Variants in ADAMTS17 observed in about 807,000 individuals in gnomAD.
ADAMTS17 encodes the protein A disintegrin and metalloproteinase with thrombospondin motifs 17.
Under a neutral mutation model 141.5 loss-of-function variants are expected in ADAMTS17, and 113 were observed. The ratio of observed to expected loss-of-function variants is 0.80; its 90% CI spans 0.69 to 0.93. The LOEUF (loss-of-function observed/expected upper bound fraction) is 0.93. ADAMTS17 is among the 40% of genes least tolerant of loss of function. ADAMTS17 has a pLI of 0.00. For missense variants in ADAMTS17, 1,659 were observed against 1,517.9 expected, an observed-to-expected ratio of 1.09 and a Z score of -1.54; for synonymous variants, 768 against 630.6, an observed-to-expected ratio of 1.22 and a Z score of -3.27.
At chr15:100,302,894 G>T (rs1020810195) in intron 3 of ADAMTS17, among the ~76,000 whole-genome samples, 2 of 152,024 alleles carry the variant, frequency 1.3e-5, no homozygotes, top group Non-Finnish European at 2.9e-5. Flanking sequence ...TACAAAGCAG[G>T]CAGAAAAATG....
rs933885511 is a variant in ADAMTS17, at chr15:100,227,059, T to C, written c.1075+27077A>G. Among the ~76,000 whole-genome samples, 6 of 152,112 alleles carry C rather than the reference T, an allele frequency of 3.9e-5. No homozygotes were observed. The East Asian group carries it at 1.2e-3, about 29-fold the overall frequency. On this transcript the variant is annotated intron_variant, in intron 7 of 21. Coordinates refer to ENST00000268070, the MANE Select transcript of ADAMTS17 (RefSeq NM_139057.4). ...TGTTCCCACCTGGGCCTCTCCTGGC[T>C]CTCCTCCCTCCCACCATGATGAAAC...
At chr15:100,290,028 G>T (rs1385637872) in intron 3 of ADAMTS17, among the ~76,000 whole-genome samples, 1 of 152,116 alleles carries the variant, frequency 6.6e-6, no homozygotes, top group Non-Finnish European at 1.5e-5. Flanking sequence ...ATTCAGGCAA[G>T]AGAAAGAAAT....
At chr15:100,151,837 G>A (rs918389626) in intron 10 of ADAMTS17, among the ~76,000 whole-genome samples, 2 of 152,158 alleles carry the variant, frequency 1.3e-5, no homozygotes, top group Non-Finnish European at 2.9e-5. Context: ...TGCCCCTCTT[G>A]GCACCCCTCA....
chr15:100,139,531 C>A (rs1451526294), intron 10 of ADAMTS17, among the ~76,000 whole-genome samples: 1 of 152,154 alleles, frequency 6.6e-6, no homozygotes, highest in Non-Finnish European at 1.5e-5. Flanking sequence ...GCCTAAGACA[C>A]CAATAGCGCT....
chr15:99,978,024 G>T (rs2060402139), intron 20 of ADAMTS17, among the ~76,000 whole-genome samples: 1 of 152,224 alleles, frequency 6.6e-6, no homozygotes, highest in African/African-American at 2.4e-5. Flanking sequence ...GGGCGTGGAG[G>T]GTTTGGGCGC....
rs2034304281 is a variant in ADAMTS17 at position 100,075,485 on chromosome 15, G to C, written c.2137+20871C>G. Among the ~76,000 whole-genome samples the C allele has an allele frequency of 2.0e-5, 3 of 152,180 alleles. No individual in the cohort carries two copies. In the South Asian group the frequency reaches 6.2e-4, roughly 32 times the overall value. Reference sequence around the variant, plus strand: ...TGTTGAGGTCATACTTGCTTTCTCTGAGGCTGTTGTATGAGTGGCTCCATA... The same window carrying C: ...TGTTGAGGTCATACTTGCTTTCTCTCAGGCTGTTGTATGAGTGGCTCCATA... On this transcript the variant is annotated intron_variant, in intron 15 of 21. Coordinates refer to ENST00000268070, the MANE Select transcript of ADAMTS17 (RefSeq NM_139057.4).
At chr15:100,262,642 G>A (rs1030342156) in intron 4 of ADAMTS17, among the ~76,000 whole-genome samples, 2 of 152,060 alleles carry the variant, frequency 1.3e-5, no homozygotes, top group Non-Finnish European at 2.9e-5. Context: ...AGAGGCTCAT[G>A]ATGGGGAAAC....
Position 100,020,355 on chromosome 15 carries a change from C to T in ADAMTS17, c.2592-22766G>A, listed in dbSNP as rs11854389. ...AGGCAGCTCGCTTGTCCTGTAAGGG[C>T]GACACAGGGGAAGCGCTCCCTCAGC... On this transcript the variant is annotated intron_variant, in intron 18 of 21. Transcript: ENST00000268070. Among the ~76,000 whole-genome samples the T allele has an allele frequency of 1.1e-4, 17 of 152,154 alleles. No homozygotes were observed. In the East Asian group the frequency reaches 2.9e-3, roughly 26 times the overall value.
At chr15:100,141,689 G>A (rs2038661804) in intron 10 of ADAMTS17, among the ~76,000 whole-genome samples, 1 of 152,210 alleles carries the variant, frequency 6.6e-6, no homozygotes, top group Non-Finnish European at 1.5e-5. Flanking sequence ...TGAGGGTGGG[G>A]CCCAGGACTT....
At chr15:100,306,133 C>T (rs1427974918) in intron 3 of ADAMTS17, 3 of 249,086 alleles carry the variant, frequency 1.2e-5, no homozygotes, top group African/African-American at 6.7e-5. Context: ...TCCCTCTGCA[C>T]AGTAGCCCTT....
intron 10 of ADAMTS17, among the ~76,000 whole-genome samples, chr15:100,142,637 A>G (rs1329549343): frequency 2.6e-5 from 4 of 152,208 alleles, no homozygotes; most frequent in African/African-American, 9.6e-5. Flanking sequence ...ACTGAGACAT[A>G]GTGAGACTAG....
At chr15:100,200,515 A>G (rs368961911) in intron 7 of ADAMTS17, among the ~76,000 whole-genome samples, 15 of 152,176 alleles carry the variant, frequency 9.9e-5, no homozygotes, top group African/African-American at 3.6e-4. Context: ...TTATCTCAAC[A>G]GGGCTCGCTA....
At chr15:100,338,934 T>C (rs1320732486) in intron 2 of ADAMTS17, 1 of 985,104 alleles carries the variant, frequency 1.0e-6, no homozygotes, top group East Asian at 1.1e-4. Flanking sequence ...CAGGACCACC[T>C]TGCAAACAAA....
chr15:100,220,051 A>G (rs2042084806), intron 7 of ADAMTS17, among the ~76,000 whole-genome samples: 1 of 152,150 alleles, frequency 6.6e-6, no homozygotes, highest in African/African-American at 2.4e-5. Flanking sequence ...GTCTATTCCT[A>G]ATGCATCGCC....
intron 14 of ADAMTS17, among the ~76,000 whole-genome samples, chr15:100,103,347 T>C (rs1380093201): frequency 6.6e-6 from 1 of 152,232 alleles, no homozygotes; most frequent in African/African-American, 2.4e-5. Context: ...CCAGGCACGC[T>C]TTCCTGCAGG....
chr15:100,097,419 G>A (rs1268357975), intron 14 of ADAMTS17, among the ~76,000 whole-genome samples: 1 of 152,198 alleles, frequency 6.6e-6, no homozygotes, highest in Non-Finnish European at 1.5e-5. Flanking sequence ...TCCTGGTGGA[G>A]GTGAGTTAGC....
intron 8 of ADAMTS17, among the ~76,000 whole-genome samples, chr15:100,166,225 TGATTGCTTGTACTTAGGAAAACTACA>T (rs1438729653): frequency 4.6e-5 from 7 of 152,246 alleles, no homozygotes; most frequent in Non-Finnish European, 1.0e-4. Context: ...TCTATTGTAA[TGATTGCTTGTACTTAGGAAAACTACA>T]GATTGCTGCA....
At chr15:100,204,273 G>C (rs914019068) in intron 7 of ADAMTS17, among the ~76,000 whole-genome samples, 19 of 152,342 alleles carry the variant, frequency 1.2e-4, no homozygotes, top group African/African-American at 4.6e-4. Context: ...TGGTGGCCTT[G>C]CTGCCCATTA....
chr15:100,308,049 G>A lies in ADAMTS17; in HGVS notation c.616+22840C>T, dbSNP rs145785948. ...AATTTACTCCAGCTTCCTTTAAAAC[G>A]GTAAGCTCATCTACTTCATTTAAAA... On this transcript the variant is annotated intron_variant, in intron 3 of 21. Coordinates refer to ENST00000268070, the MANE Select transcript of ADAMTS17 (RefSeq NM_139057.4). Among the ~76,000 whole-genome samples the A allele has an allele frequency of 6.6e-5, 10 of 152,276 alleles. No individual in the cohort carries two copies. The South Asian group carries it at 8.3e-4, about 13-fold the overall frequency.
Sources: allele counts gnomAD v4.1 joint callset (sites outside exome capture counted in the v4.1 genomes callset), GRCh38; gene constraint gnomAD v4.1.1; transcripts MANE v1.5; gene names NCBI Gene and HGNC (gene_info 2026-07-23, HGNC 2026-07-21).